The following TSPEAR variants were observed in gnomAD, a reference collection of about 807,000 sequenced individuals.
TSPEAR encodes the protein thrombospondin-type laminin G domain and EAR repeat-containing protein.
A neutral mutation model predicts 71.6 loss-of-function variants in TSPEAR; 69 were observed. The ratio of observed to expected loss-of-function variants is 0.96; its 90% CI spans 0.79 to 1.18. TSPEAR has a LOEUF of 1.18. Among genes scored for constraint, TSPEAR ranks in the 50% most tolerant of loss-of-function variants. The pLI is 0.00. For synonymous variants in TSPEAR, 402 were observed against 387.2 expected (o/e 1.04, Z -0.45); for missense variants, 971 against 894.9 (o/e 1.09, Z -1.09).
chr21:44,546,288 T>C lies in TSPEAR; in HGVS notation c.304-12365A>G, dbSNP rs2053302231. 1.3e-5 allele frequency among the ~76,000 whole-genome samples: 2 copies of C among 152,202 alleles called. No individual in the cohort carries two copies. Among genetic ancestry groups the C allele is most frequent in the Non-Finnish European group, 2.9e-5 (2 of 68,026 alleles). On this transcript the variant is annotated intron_variant, in intron 2 of 11. Transcript: ENST00000323084. This position sits in a 1 kb window ranked among gnomAD's most constrained non-coding sequence, Gnocchi z 4.4. The stretch of plus-strand genomic sequence containing the variant: ...TATTTCAGCCTGAATTAGCATTTCT[T>C]GTAAGGCAAGTCTATTGGCAATGAG...
chr21:44,639,213 C>T lies in TSPEAR; in HGVS notation c.83-71208G>A, dbSNP rs587704299. 9.1e-3 allele frequency among the ~76,000 whole-genome samples: 1,378 copies of T among 152,246 alleles called. 12 individuals carry two copies. Among genetic ancestry groups the T allele is most frequent in the Middle Eastern group, 0.041 (12 of 294 alleles). On this transcript the variant is annotated intron_variant, in intron 1 of 11. Transcript: ENST00000323084. ...CCCTGTCCCCGCACCCCCAGCCTCCCAGGTCTCTCCCAAATAGCCCTCAGC... is the reference window on the plus strand; with the variant it reads ...CCCTGTCCCCGCACCCCCAGCCTCCTAGGTCTCTCCCAAATAGCCCTCAGC...
intron 2 of TSPEAR, among the ~76,000 whole-genome samples, chr21:44,549,615 C>T (rs972600698): frequency 4.6e-5 from 7 of 152,238 alleles, no homozygotes; most frequent in Admixed American, 3.3e-4. Flanking sequence ...GGTCATACCT[C>T]GCCAGCATCC....
At chr21:44,526,037 C>T in intron 7 of TSPEAR, 198 bp from the exon 8 acceptor site, 1 of 504,658 alleles carries the variant, frequency 2.0e-6, no homozygotes, top group Non-Finnish European at 3.5e-6. Context: ...TTCATCAAGA[C>T]CCTTGAAAAT....
Position 44,642,213 on chromosome 21 carries a change from A to G in TSPEAR, c.82+69220T>C, listed in dbSNP as rs1984056939. Among the ~76,000 whole-genome samples the G allele has an allele frequency of 6.6e-6, 1 of 152,226 alleles. No individual in the cohort carries two copies. The highest frequency in any genetic ancestry group is 1.5e-5 in the Non-Finnish European group (1 of 68,038). ...ACAAGACAAAAATTTTAATACAATG[A>G]TATCCAGGAAAATATGGAAATGGTA... On this transcript the variant is annotated intron_variant, in intron 1 of 11. Transcript: ENST00000323084. The surrounding 1 kb of genome is among the most constrained non-coding windows in gnomAD (Gnocchi z 4.1).
intron 1 of TSPEAR, among the ~76,000 whole-genome samples, chr21:44,684,202 TC>T (rs1986750205): frequency 1.3e-5 from 2 of 152,152 alleles, no homozygotes; most frequent in Non-Finnish European, 2.9e-5. Flanking sequence ...TAACTGGCAA[TC>T]CGGAAGTCTA....
rs1206716089 is a variant in TSPEAR, at chr21:44,695,272, G to C, written c.82+16161C>G. The stretch of plus-strand genomic sequence containing the variant: ...CTTTGCTCCCACTGGACTGGACGCT[G>C]TGCTGTCTCTCAGGTACGCAAGTGC... On this transcript the variant is annotated intron_variant, in intron 1 of 11. Transcript: ENST00000323084. The surrounding 1 kb of genome is among the most constrained non-coding windows in gnomAD (Gnocchi z 4.5). Among the ~76,000 whole-genome samples the C allele has an allele frequency of 3.9e-5, 6 of 152,182 alleles. No homozygotes were observed. Among genetic ancestry groups the C allele is most frequent in the African/African-American group, 1.4e-4 (6 of 41,436 alleles).
Position 44,697,352 on chromosome 21 carries a change from G to C in TSPEAR, c.82+14081C>G, listed in dbSNP as rs368004951. The C allele has an allele frequency of 4.2e-4, 676 of 1,612,954 alleles. 10 individuals carry two copies. In the South Asian group the frequency reaches 6.8e-3, roughly 16 times the overall value. The stretch of plus-strand genomic sequence containing the variant: ...CGCCCCGGCCCCCTGCCTGAGCCTG[G>C]TCTGCACCCCAGTGAGCCGTGTATC... On this transcript the variant is annotated intron_variant, in intron 1 of 11. Transcript: ENST00000323084.
chr21:44,505,155 G>A (rs587667487), intron 10 of TSPEAR, among the ~76,000 whole-genome samples: 30 of 152,016 alleles, frequency 2.0e-4, no homozygotes, highest in South Asian at 1.0e-3. Context: ...CTCGGCTCAC[G>A]GCAACCTCTG....
chr21:44,557,063 A>G (rs1555919934), intron 2 of TSPEAR, among the ~76,000 whole-genome samples: 1 of 152,214 alleles, frequency 6.6e-6, no homozygotes, highest in Non-Finnish European at 1.5e-5. Flanking sequence ...TCGCGCTACC[A>G]TAATTATGAA....
At chr21:44,552,960 A>T (rs1195409568) in intron 2 of TSPEAR, among the ~76,000 whole-genome samples, 2 of 152,190 alleles carry the variant, frequency 1.3e-5, no homozygotes, top group African/African-American at 4.8e-5. Flanking sequence ...GTGAGAGCCG[A>T]AGGGAAGCCG....
intron 1 of TSPEAR, chr21:44,658,192 A>G (rs1569244784): frequency 2.5e-6 from 4 of 1,613,878 alleles, no homozygotes; most frequent in East Asian, 2.2e-5. Context: ...CCTCTTGCCA[A>G]TCTTCGGGGT....
rs587731343 is a variant in TSPEAR, at chr21:44,633,991, T to C, written c.83-65986A>G. On this transcript the variant is annotated intron_variant, in intron 1 of 11. Coordinates refer to ENST00000323084, the MANE Select transcript of TSPEAR (RefSeq NM_144991.3). ...ATAAAATGATGGCTTATGCCTGTAATCCCAACTACTCAGGAGGTTGAGATG... is the reference window on the plus strand; with the variant it reads ...ATAAAATGATGGCTTATGCCTGTAACCCCAACTACTCAGGAGGTTGAGATG... Among the ~76,000 whole-genome samples, 110 of 152,324 alleles carry C rather than the reference T, an allele frequency of 7.2e-4. 1 individual carries two copies. Among genetic ancestry groups the C allele is most frequent in the African/African-American group, 2.1e-3 (88 of 41,568 alleles).
In TSPEAR at chr21:44,498,861, C is replaced by T. The variant is rs1380740080; in HGVS notation, c.*922G>A. On this transcript the variant is annotated 3_prime_UTR_variant, in exon 12 of 12. Transcript: ENST00000323084. ...ACCTACATGGGTTAAGAGGGAGGAC[C>T]CCTGGGGCCTTGCGCCCATCACCCC... 6.6e-6 allele frequency: 1 copy of T among 152,270 alleles called. No homozygotes were observed. Among genetic ancestry groups the T allele is most frequent in the Non-Finnish European group, 1.5e-5 (1 of 68,124 alleles). The allele number at this position is 152,270 out of a possible 1,614,324, so 9.4% of individuals were successfully genotyped here. A position where few individuals can be genotyped will look rare whatever the true frequency, so the allele number is the denominator to read the frequency against.
intron 1 of TSPEAR, among the ~76,000 whole-genome samples, chr21:44,650,423 C>CGGCAGAGACTGGGGCCACGTGACGACGGG (rs1984711192): frequency 1.3e-5 from 2 of 151,952 alleles, no homozygotes; most frequent in African/African-American, 4.9e-5. Context: ...GTGACGACGG[C>CGGCAGAGACTGGGGCCACGTGACGACGGG]GGCAGAGACT....
At chr21:44,553,893 G>A (rs782123294) in intron 2 of TSPEAR, among the ~76,000 whole-genome samples, 71 of 152,312 alleles carry the variant, frequency 4.7e-4, no homozygotes, top group Non-Finnish European at 7.4e-4. Context: ...GCAATCTTTG[G>A]TGGACTAAGG....
intron 8 of TSPEAR, 36 bp downstream of exon 8, chr21:44,525,617 G>T: frequency 6.2e-7 from 1 of 1,604,176 alleles, no homozygotes; most frequent in Non-Finnish European, 8.5e-7. Context: ...CCCCTGGAAT[G>T]GTTGCCTCCC....
intron 8 of TSPEAR, among the ~76,000 whole-genome samples, chr21:44,523,451 TTAA>T (rs1385117207): frequency 6.6e-6 from 1 of 151,654 alleles, no homozygotes; most frequent in Admixed American, 6.6e-5. Context: ...AGTTAGGTAG[TTAA>T]TAAGGTAATC....
At chr21:44,615,559 T>TGTTTTG (rs1569221109) in intron 1 of TSPEAR, among the ~76,000 whole-genome samples, 2 of 150,922 alleles carry the variant, frequency 1.3e-5, no homozygotes, top group African/African-American at 4.9e-5. Context: ...GTTTTTTTTT[T>TGTTTTG]TTTTTTAAAT....
intron 1 of TSPEAR, among the ~76,000 whole-genome samples, chr21:44,661,439 G>A (rs974273008): frequency 1.2e-4 from 18 of 152,198 alleles, no homozygotes; most frequent in African/African-American, 4.3e-4. Flanking sequence ...CTGCCGTAAA[G>A]TCCTGCCACT....
Sources: gnomAD v4.1 joint callset for allele counts (sites outside exome capture counted in the v4.1 genomes callset) on GRCh38, gnomAD v4.1.1 for gene constraint, Gnocchi (gnomAD v3.1) non-coding constraint, MANE v1.5 for transcripts, NCBI Gene and HGNC (gene_info 2026-07-23, HGNC 2026-07-21) for gene names.